Variants in ZFHX4 observed in about 807,000 individuals in gnomAD.
ZFHX4 encodes zinc finger homeobox 4, also known as zinc finger homeobox protein 4.
Under a neutral mutation model 267.6 loss-of-function variants are expected in ZFHX4, and 56 were observed. That is an observed-to-expected ratio of 0.21 (90% CI 0.17 to 0.26). ZFHX4 has a LOEUF of 0.26. ZFHX4 is among the 10% of genes least tolerant of loss of function. The pLI, the probability that ZFHX4 is intolerant of heterozygous loss-of-function variation, is 1.00. For missense variants in ZFHX4, 4,332 were observed against 4,420.0 expected (o/e 0.98, Z 0.56); for synonymous variants, 1,778 against 1,665.6 (o/e 1.07, Z -1.64).
At chr8:76,808,910 GTCTCTCTC>G (rs377750059) in intron 4 of ZFHX4, among the ~76,000 whole-genome samples, 5 of 144,350 alleles carry the variant, frequency 3.5e-5, no homozygotes, top group East Asian at 2.0e-4. Context: ...CTATCTCTCT[GTCTCTCTC>G]TCTCTCTCTC....
At chr8:76,765,688 C>A (rs1314566988) in intron 3 of ZFHX4, among the ~76,000 whole-genome samples, 1 of 151,926 alleles carries the variant, frequency 6.6e-6, no homozygotes, top group African/African-American at 2.4e-5. Context: ...TAAACTGTCA[C>A]AAAAAGGGGA....
intron 1 of ZFHX4, among the ~76,000 whole-genome samples, chr8:76,694,349 C>T (rs957344230): frequency 2.0e-5 from 3 of 152,072 alleles, no homozygotes; most frequent in Non-Finnish European, 2.9e-5. Context: ...TAATCCCTTC[C>T]CCGACTAAAG....
At chr8:76,841,788 T>G (rs1812240470) in intron 5 of ZFHX4, among the ~76,000 whole-genome samples, 1 of 152,172 alleles carries the variant, frequency 6.6e-6, no homozygotes, top group African/African-American at 2.4e-5. Context: ...GCGAGCCTGG[T>G]TATCTGGCAT....
rs1445541478 is a variant in ZFHX4, at chr8:76,864,304, T to C, written c.10590T>C (p.Leu3530=). 1 of 1,613,912 alleles carries C rather than the reference T, an allele frequency of 6.2e-7. No homozygotes were observed. The highest frequency in any genetic ancestry group is 8.5e-7 in the Non-Finnish European group (1 of 1,179,858). ...CFSMKSWPNI[L]FQASARRAAS... is the part of the protein sequence containing the mutation. ...CCATGAAGTCCTGGCCTAATATCCT[T>C]TTCCAAGCGTCTGCCAGGAGAGCTG... The change falls in exon 11 of 11, where the codon CTT becomes CTC. Residue 3530 remains leucine (L), a synonymous_variant. Coordinates refer to ENST00000651372, the MANE Select transcript of ZFHX4 (RefSeq NM_024721.5).
At chr8:76,784,410 T>G (rs575902631) in intron 4 of ZFHX4, among the ~76,000 whole-genome samples, 81 of 152,026 alleles carry the variant, frequency 5.3e-4, no homozygotes, top group Non-Finnish European at 8.7e-4. Flanking sequence ...CTAATGTATG[T>G]AAGAGCAAGT....
intron 5 of ZFHX4, among the ~76,000 whole-genome samples, chr8:76,836,178 A>C (rs1294132177): frequency 6.6e-6 from 1 of 152,168 alleles, no homozygotes; most frequent in Non-Finnish European, 1.5e-5. Flanking sequence ...CAAATAAACA[A>C]AAAAGTATTT....
In ZFHX4 at chr8:76,852,580, A is replaced by G; in HGVS notation, c.5659A>G (p.Lys1887Glu). ...EGLKEGKDTKKQKSLEPSIPP... is the reference protein window; with the variant it reads ...EGLKEGKDTKEQKSLEPSIPP... ...ACTCAAAGAAGGCAAAGACACAAAG[A>G]AGCAAAAATCCTTGGAACCATCCAT... The change falls in exon 10 of 11, where the codon AAG (lysine) becomes GAG (glutamate). Residue 1887 changes from lysine to glutamate, a missense_variant. Physicochemically the swap from Lys to Glu is moderately conservative, Grantham distance 56. Around this residue, in one of 7 missense-constraint regions of ZFHX4, gnomAD observed 1,371 missense variants for 1,423.1 expected, o/e 0.96. Coordinates refer to ENST00000651372, the MANE Select transcript of ZFHX4 (RefSeq NM_024721.5). The G allele has an allele frequency of 6.2e-7, 1 of 1,611,910 alleles. No homozygotes were observed. Among genetic ancestry groups the G allele is most frequent in the Non-Finnish European group, 8.5e-7 (1 of 1,178,856 alleles).
intron 3 of ZFHX4, among the ~76,000 whole-genome samples, chr8:76,771,284 C>A (rs1395519530): frequency 6.6e-6 from 1 of 152,102 alleles, no homozygotes; most frequent in Admixed American, 6.6e-5. Context: ...ATATTTCTTC[C>A]CTTCATGGAT....
chr8:76,792,628 T>C (rs1001135688), intron 4 of ZFHX4, among the ~76,000 whole-genome samples: 1 of 152,148 alleles, frequency 6.6e-6, no homozygotes, highest in Non-Finnish European at 1.5e-5. Flanking sequence ...AGTTCTTTGG[T>C]TTTTCAGAAG....
At chr8:76,821,941 T>C (rs1416375134) in intron 4 of ZFHX4, among the ~76,000 whole-genome samples, 1 of 152,040 alleles carries the variant, frequency 6.6e-6, no homozygotes, top group Non-Finnish European at 1.5e-5. Context: ...CTACCATTAA[T>C]GCATTGTCCT....
chr8:76,779,473 G>T (rs1810491343), intron 4 of ZFHX4, among the ~76,000 whole-genome samples: 1 of 152,052 alleles, frequency 6.6e-6, no homozygotes, highest in Admixed American at 6.6e-5. Context: ...TAGGCCAGTT[G>T]GAAAATCAAA....
chr8:76,708,145 A>G, intron 3 of ZFHX4, 97 bp downstream of exon 3: 1 of 1,498,066 alleles, frequency 6.7e-7, no homozygotes, highest in Non-Finnish European at 9.1e-7. Context: ...GGAAAAAAAA[A>G]GAGAAAAAAC....
intron 4 of ZFHX4, among the ~76,000 whole-genome samples, chr8:76,787,916 C>T (rs140307556): frequency 4.9e-4 from 74 of 152,174 alleles, no homozygotes; most frequent in African/African-American, 1.7e-3. Context: ...GATAGCCGAC[C>T]TTTACTGACC....
intron 3 of ZFHX4, among the ~76,000 whole-genome samples, chr8:76,748,778 C>G (rs1428876986): frequency 1.3e-5 from 2 of 152,190 alleles, no homozygotes; most frequent in Non-Finnish European, 2.9e-5. Context: ...AGCCTTTCCA[C>G]TTACTGCACC....
chr8:76,842,801 T>G, intron 6 of ZFHX4, 30 bp downstream of exon 6: 1 of 1,486,398 alleles, frequency 6.7e-7, no homozygotes, highest in African/African-American at 1.4e-5. Context: ...CACCTCGGCA[T>G]TTCCCTATAC....
intron 6 of ZFHX4, among the ~76,000 whole-genome samples, chr8:76,848,680 G>A (rs909450631): frequency 3.9e-5 from 6 of 152,168 alleles, no homozygotes; most frequent in Non-Finnish European, 5.9e-5. Flanking sequence ...GTGAAAGGGA[G>A]TAGATTTGCT....
chr8:76,696,862 T>C (rs1421646729), intron 1 of ZFHX4, among the ~76,000 whole-genome samples: 1 of 151,980 alleles, frequency 6.6e-6, no homozygotes, highest in East Asian at 1.9e-4. Context: ...TTGTATTTGG[T>C]AGAGTCTAAG....
rs114079155 is a variant in ZFHX4 at position 76,796,897 on chromosome 8, G to T, written c.3325+18458G>T. 7.8e-3 allele frequency among the ~76,000 whole-genome samples: 1,190 copies of T among 152,210 alleles called. 16 individuals carry two copies. Among genetic ancestry groups the T allele is most frequent in the African/African-American group, 0.028 (1,153 of 41,532 alleles). On this transcript the variant is annotated intron_variant, in intron 4 of 10. Coordinates refer to ENST00000651372, the MANE Select transcript of ZFHX4 (RefSeq NM_024721.5). ...ACCCATCTTTTTCATACAACTCCCT[G>T]CACAGGTTCCTTGAATGATTTCTAA...
At position 76,855,352 on chromosome 8, in the gene ZFHX4, A is replaced by G. The variant is rs1812685743; in HGVS notation, c.8431A>G (p.Ser2811Gly). ...DETSSINTAI[S>G]DATTGDEGNT... ...GACTTCATCGATTAATACGGCAATC[A>G]GTGACGCCACCACCGGAGACGAGGG... is the stretch of plus-strand genomic sequence containing the variant. Residue 2811 changes from serine to glycine, a missense_variant, in exon 10 of 11, where the codon AGT becomes GGT. Transcript: ENST00000651372. The G allele has an allele frequency of 6.2e-7, 1 of 1,613,708 alleles. No homozygotes were observed. Among genetic ancestry groups the G allele is most frequent in the Non-Finnish European group, 8.5e-7 (1 of 1,179,818 alleles).
Sources: gnomAD v4.1 joint callset for allele counts (sites outside exome capture counted in the v4.1 genomes callset) on GRCh38, gnomAD v4.1.1 for gene constraint, gnomAD v4.1.1 regional missense constraint, MANE v1.5 for transcripts, NCBI Gene and HGNC (gene_info 2026-07-23, HGNC 2026-07-21) for gene names.